The following ROBO2 variants were observed in gnomAD, a reference collection of about 807,000 sequenced individuals.
ROBO2 encodes the protein roundabout homolog 2.
Under a neutral mutation model 160.8 loss-of-function variants are expected in ROBO2, and 53 were observed. The observed-to-expected ratio is 0.33, with a 90% CI of 0.26 to 0.41. The LOEUF is 0.41. ROBO2 is among the 10% of genes least tolerant of loss of function. The pLI, the probability that ROBO2 is intolerant of heterozygous loss-of-function variation, is 1.00. For missense variants in ROBO2, 1,577 were observed against 1,722.4 expected (o/e 0.92, Z 1.49); for synonymous variants, 664 against 611.7 (o/e 1.09, Z -1.26).
chr3:76,686,243 A>G (rs2092683638), intron 2 of ROBO2, among the ~76,000 whole-genome samples: 1 of 152,066 alleles, frequency 6.6e-6, no homozygotes, highest in Non-Finnish European at 1.5e-5. Flanking sequence ...TTTAAAACCC[A>G]TTACTAGTGT....
intron 2 of ROBO2, among the ~76,000 whole-genome samples, chr3:77,022,922 C>T (rs998908783): frequency 2.0e-5 from 3 of 152,128 alleles, no homozygotes; most frequent in Non-Finnish European, 4.4e-5. Flanking sequence ...AAACTGAAAC[C>T]CTGTATCTAT....
chr3:76,349,701 A>G (rs1043027646), intron 2 of ROBO2, among the ~76,000 whole-genome samples: 3 of 152,132 alleles, frequency 2.0e-5, no homozygotes, highest in Non-Finnish European at 4.4e-5. Flanking sequence ...GGCAGAAGGC[A>G]TGAGACTCTT....
At chr3:77,586,496 TA>T (rs566322045) in intron 16 of ROBO2, among the ~76,000 whole-genome samples, 17 of 152,274 alleles carry the variant, frequency 1.1e-4, no homozygotes, top group Admixed American at 3.9e-4. Flanking sequence ...TATTTCATTA[TA>T]TTTTTTTGTC....
At chr3:76,616,415 C>G (rs192918403) in intron 2 of ROBO2, among the ~76,000 whole-genome samples, 2 of 152,292 alleles carry the variant, frequency 1.3e-5, no homozygotes, top group East Asian at 3.9e-4. Context: ...CAGGTAGGAA[C>G]ACCTTGTGTG....
intron 2 of ROBO2, among the ~76,000 whole-genome samples, chr3:76,193,446 A>G (rs1702106319): frequency 6.6e-6 from 1 of 152,180 alleles, no homozygotes. Context: ...TTAGTTGTCC[A>G]AACAGAATAT....
chr3:77,449,723 G>A lies in ROBO2; in HGVS notation c.389-27691G>A, dbSNP rs972378960. On this transcript the variant is annotated intron_variant, in intron 2 of 25. Coordinates refer to ENST00000461745, the Ensembl canonical transcript of ROBO2. Reference sequence around the variant, plus strand: ...TAGGTGTGCTTTATATGACTTCCACGTGCTTAGCTAGCAAAATCTGAGTTT... The same window carrying A: ...TAGGTGTGCTTTATATGACTTCCACATGCTTAGCTAGCAAAATCTGAGTTT... 4.6e-5 allele frequency among the ~76,000 whole-genome samples: 7 copies of A among 151,994 alleles called. No individual in the cohort carries two copies. In the South Asian group the frequency reaches 1.0e-3, roughly 22 times the overall value.
At chr3:77,451,856 G>A (rs1047086855) in intron 2 of ROBO2, among the ~76,000 whole-genome samples, 4 of 151,792 alleles carry the variant, frequency 2.6e-5, no homozygotes, top group African/African-American at 4.8e-5. Flanking sequence ...CATGTGCCAT[G>A]TTGGTGTGCT....
intron 2 of ROBO2, among the ~76,000 whole-genome samples, chr3:77,027,253 A>C (rs183113711): frequency 9.8e-4 from 149 of 152,316 alleles, no homozygotes; most frequent in Admixed American, 1.8e-3. Flanking sequence ...TGATGACAAC[A>C]TCATATTACA....
At chr3:77,104,225 C>T (rs934163957) in intron 2 of ROBO2, among the ~76,000 whole-genome samples, 2 of 152,126 alleles carry the variant, frequency 1.3e-5, no homozygotes, top group African/African-American at 2.4e-5. Flanking sequence ...TTCCTGCACC[C>T]TCTCACCCCA....
chr3:76,378,730 C>T (rs1238085212), intron 2 of ROBO2, among the ~76,000 whole-genome samples: 3 of 152,132 alleles, frequency 2.0e-5, no homozygotes, highest in African/African-American at 4.8e-5. Context: ...CAATCTTCAG[C>T]TGGTTCCAAG....
chr3:77,495,641 C>T (rs2086686371), intron 5 of ROBO2, among the ~76,000 whole-genome samples: 1 of 152,082 alleles, frequency 6.6e-6, no homozygotes, highest in African/African-American at 2.4e-5. Context: ...ATCGAATGTG[C>T]CCCAAACTTG....
chr3:75,955,196 A>G (rs1422200377), intron 2 of ROBO2, among the ~76,000 whole-genome samples: 2 of 151,810 alleles, frequency 1.3e-5, no homozygotes, highest in African/African-American at 2.4e-5. Context: ...AATATGTATA[A>G]TGAGAGATTA....
intron 2 of ROBO2, among the ~76,000 whole-genome samples, chr3:76,779,294 G>A (rs1437256703): frequency 1.3e-5 from 2 of 150,948 alleles, no homozygotes; most frequent in Non-Finnish European, 3.0e-5. Flanking sequence ...AAATATACCC[G>A]TCACCTCCCA....
chr3:77,502,664 A>G (rs1322610490), intron 5 of ROBO2, among the ~76,000 whole-genome samples: 5 of 152,176 alleles, frequency 3.3e-5, no homozygotes, highest in African/African-American at 7.2e-5. Context: ...CTGATAAAAA[A>G]CATTAAAAAG....
At chr3:77,196,512 TC>T (rs1265452173) in intron 2 of ROBO2, among the ~76,000 whole-genome samples, 1 of 150,250 alleles carries the variant, frequency 6.7e-6, no homozygotes, top group Admixed American at 6.7e-5. Flanking sequence ...CTTTTTTTTT[TC>T]CATTTGCAGA....
At chr3:76,272,804 A>AATATATAATATGTATTTAT (rs1707560049) in intron 2 of ROBO2, among the ~76,000 whole-genome samples, 2 of 47,480 alleles carry the variant, frequency 4.2e-5, no homozygotes, top group African/African-American at 1.2e-4. Flanking sequence ...ATATATATAA[A>AATATATAATATGTATTTAT]ATATATAATA....
At chr3:76,732,716 TGAG>T (rs2093655153) in intron 2 of ROBO2, among the ~76,000 whole-genome samples, 2 of 152,268 alleles carry the variant, frequency 1.3e-5, no homozygotes, top group South Asian at 4.1e-4. Flanking sequence ...TGTGTAATGA[TGAG>T]GACTGACATG....
intron 2 of ROBO2, among the ~76,000 whole-genome samples, chr3:76,493,615 A>G (rs2079972493): frequency 6.6e-6 from 1 of 151,852 alleles, no homozygotes; most frequent in East Asian, 1.9e-4. Flanking sequence ...GACATCTTAC[A>G]TTATGCGAAG....
At chr3:77,430,686 A>G (rs538423404) in intron 2 of ROBO2, among the ~76,000 whole-genome samples, 3 of 152,252 alleles carry the variant, frequency 2.0e-5, no homozygotes, top group Non-Finnish European at 4.4e-5. Context: ...CAGGGGAACC[A>G]TGCCCTCACC....
Sources: allele counts gnomAD v4.1 joint callset (sites outside exome capture counted in the v4.1 genomes callset), GRCh38; gene constraint gnomAD v4.1.1; transcripts MANE v1.5; gene names NCBI Gene and HGNC (gene_info 2026-07-23, HGNC 2026-07-21).